Variants in KHDRBS2 observed in about 807,000 individuals in gnomAD.
KHDRBS2 encodes the protein KH domain-containing, RNA-binding, signal transduction-associated protein 2.
Under a neutral mutation model 44.3 loss-of-function variants are expected in KHDRBS2, and 26 were observed. That is an observed-to-expected ratio of 0.59 (90% CI 0.43 to 0.81). The LOEUF (loss-of-function observed/expected upper bound fraction) is 0.81. KHDRBS2 is among the 40% of genes least tolerant of loss of function. The pLI, the probability that KHDRBS2 is intolerant of heterozygous loss-of-function variation, is 0.00. For missense variants in KHDRBS2, 476 were observed against 433.1 expected (o/e 1.10, Z -0.88); for synonymous variants, 194 against 151.1 (o/e 1.28, Z -2.08).
At chr6:61,847,039 A>G (rs1204188757) in intron 6 of KHDRBS2, among the ~76,000 whole-genome samples, 1 of 152,132 alleles carries the variant, frequency 6.6e-6, no homozygotes, top group African/African-American at 2.4e-5. Context: ...ACATTTATTA[A>G]GAAAAATTTT....
In KHDRBS2 at chr6:61,697,258, A is replaced by G. The variant is rs368507706; in HGVS notation, c.894-5T>C. 5.0e-6 allele frequency: 8 copies of G among 1,589,696 alleles called. No homozygotes were observed. Among genetic ancestry groups the G allele is most frequent in the Non-Finnish European group, 6.9e-6 (8 of 1,158,016 alleles). ...TAGTCATAGTATTCAGGCACACTGC[A>G]ACAAATTTAGATAGCAATCAATGTT... On this transcript the variant is annotated splice_region_variant and splice_polypyrimidine_tract_variant and intron_variant, in intron 7 of 8. Coordinates refer to ENST00000281156, the MANE Select transcript of KHDRBS2 (RefSeq NM_152688.4).
the KHDRBS2 span, among the ~76,000 whole-genome samples, chr6:61,635,708 A>G: frequency 6.6e-6 from 1 of 152,058 alleles, no homozygotes; most frequent in African/African-American, 2.4e-5. Flanking sequence ...TGTTCTTTAC[A>G]TACCTACTAT....
At chr6:61,671,921 T>C in the KHDRBS2 span, among the ~76,000 whole-genome samples, 8 of 151,910 alleles carry the variant, frequency 5.3e-5, no homozygotes, top group African/African-American at 1.5e-4. Flanking sequence ...TATGTATACA[T>C]GTGCCATGCT....
intron 2 of KHDRBS2, among the ~76,000 whole-genome samples, chr6:62,127,799 G>A (rs1326647677): frequency 1.3e-5 from 2 of 152,094 alleles, no homozygotes; most frequent in African/African-American, 4.8e-5. Flanking sequence ...AACACTTCAA[G>A]ATTCCCTCAA....
chr6:62,020,275 G>T (rs556862828), intron 3 of KHDRBS2, among the ~76,000 whole-genome samples: 1 of 151,800 alleles, frequency 6.6e-6, no homozygotes, highest in African/African-American at 2.4e-5. Context: ...ATATTTATTT[G>T]CTTATTGATT....
chr6:61,584,639 A>G, the KHDRBS2 span, among the ~76,000 whole-genome samples: 1 of 151,862 alleles, frequency 6.6e-6, no homozygotes, highest in Non-Finnish European at 1.5e-5. Flanking sequence ...TAAAAGGATG[A>G]CTTAACAAAC....
chr6:62,023,290 A>G (rs1180683736), intron 3 of KHDRBS2, among the ~76,000 whole-genome samples: 1 of 151,710 alleles, frequency 6.6e-6, no homozygotes, highest in South Asian at 2.1e-4. Context: ...ATGTGCTTAT[A>G]TATCTTTGTG....
At chr6:61,947,913 AAATAATAAT>A (rs56372678) in intron 4 of KHDRBS2, among the ~76,000 whole-genome samples, 1,478 of 143,232 alleles carry the variant, frequency 0.01, 22 homozygotes, top group African/African-American at 0.034. Context: ...CACACACACA[AAATAATAAT>A]AATAATAATA....
At chr6:62,004,015 G>A (rs1778746920) in intron 3 of KHDRBS2, among the ~76,000 whole-genome samples, 1 of 152,156 alleles carries the variant, frequency 6.6e-6, no homozygotes, top group African/African-American at 2.4e-5. Flanking sequence ...TATGTAGAGG[G>A]AAATTTATAG....
At chr6:61,600,428 C>T in the KHDRBS2 span, among the ~76,000 whole-genome samples, 1 of 152,112 alleles carries the variant, frequency 6.6e-6, no homozygotes, top group Admixed American at 6.6e-5. Context: ...AACTGAGCAC[C>T]TTGTGAACCC....
At chr6:62,154,622 G>GA (rs1221851911) in intron 2 of KHDRBS2, among the ~76,000 whole-genome samples, 4 of 151,436 alleles carry the variant, frequency 2.6e-5, no homozygotes, top group Admixed American at 1.3e-4. Flanking sequence ...AGACATAAAG[G>GA]AAAAAATAAA....
intron 8 of KHDRBS2, among the ~76,000 whole-genome samples, chr6:61,686,602 C>A (rs980291662): frequency 6.6e-6 from 1 of 151,682 alleles, no homozygotes; most frequent in Non-Finnish European, 1.5e-5. Context: ...AAGGGCCTAT[C>A]ACAGTGCTAG....
the KHDRBS2 span, among the ~76,000 whole-genome samples, chr6:61,574,908 CA>C: frequency 2.6e-5 from 4 of 151,924 alleles, no homozygotes; most frequent in Non-Finnish European, 5.9e-5. Context: ...AATACCATCT[CA>C]AAAAAAGAGA....
At chr6:62,228,848 C>G (rs1307275119) in intron 1 of KHDRBS2, among the ~76,000 whole-genome samples, 1 of 152,082 alleles carries the variant, frequency 6.6e-6, no homozygotes, top group Non-Finnish European at 1.5e-5. Context: ...CTCGAGGAAG[C>G]TGGAGAACAG....
intron 2 of KHDRBS2, among the ~76,000 whole-genome samples, chr6:62,050,429 TAAA>T (rs34093577): frequency 5.4e-5 from 8 of 146,854 alleles, no homozygotes; most frequent in Non-Finnish European, 7.5e-5. Flanking sequence ...AACTTAAAGT[TAAA>T]AAAAAAAAAG....
At chr6:61,722,515 C>T (rs1231024333) in intron 7 of KHDRBS2, among the ~76,000 whole-genome samples, 3 of 152,180 alleles carry the variant, frequency 2.0e-5, no homozygotes, top group African/African-American at 7.2e-5. Context: ...TCTATGTTCA[C>T]TTATGCTAAC....
chr6:61,875,754 T>C (rs1170859964), intron 6 of KHDRBS2, among the ~76,000 whole-genome samples: 1 of 152,132 alleles, frequency 6.6e-6, no homozygotes, highest in Non-Finnish European at 1.5e-5. Flanking sequence ...ATAATTATTT[T>C]ATTCTTCATG....
Position 62,093,843 on chromosome 6 carries a change from G to A in KHDRBS2, c.220-45849C>T, listed in dbSNP as rs144138514. On this transcript the variant is annotated intron_variant, in intron 2 of 8. Coordinates refer to ENST00000281156, the MANE Select transcript of KHDRBS2 (RefSeq NM_152688.4). Reference sequence around the variant, plus strand: ...ATTTCATTCTTTGTTATGGTGAATAGTATTCCATTGTTTTGTGTGTGTGTG... The same window carrying A: ...ATTTCATTCTTTGTTATGGTGAATAATATTCCATTGTTTTGTGTGTGTGTG... 1.9e-3 allele frequency among the ~76,000 whole-genome samples: 265 copies of A among 138,324 alleles called. 1 individual carries two copies. Among genetic ancestry groups the A allele is most frequent in the Non-Finnish European group, 3.0e-3 (194 of 63,930 alleles). The allele number at this position is 138,324 out of a possible 152,430, so 90.7% of individuals were successfully genotyped here. A position where few individuals can be genotyped will look rare whatever the true frequency, so the allele number is the denominator to read the frequency against.
chr6:61,683,470 T>C (rs957600033), intron 8 of KHDRBS2, among the ~76,000 whole-genome samples: 6 of 151,714 alleles, frequency 4.0e-5, no homozygotes, highest in African/African-American at 1.5e-4. Context: ...CTGAATGTAG[T>C]GAAAGGTTAC....
Sources: allele counts gnomAD v4.1 joint callset (sites outside exome capture counted in the v4.1 genomes callset), GRCh38; gene constraint gnomAD v4.1.1; transcripts MANE v1.5; gene names NCBI Gene and HGNC (gene_info 2026-07-23, HGNC 2026-07-21).